Variants in CSMD1 observed in about 807,000 individuals in gnomAD.
The protein encoded by CSMD1 is CUB and Sushi multiple domains 1, also known as CUB and sushi domain-containing protein 1.
In CSMD1, 213 loss-of-function variants were observed where a neutral mutation model predicts 417.5. That is an observed-to-expected ratio of 0.51 (90% CI 0.46 to 0.57). The LOEUF is 0.57. Among genes scored for constraint, CSMD1 ranks in the 20% least tolerant of loss-of-function variants. The probability of loss-of-function intolerance (pLI) is 0.00; values close to 1 mark genes in which losing one functional copy is unlikely to be tolerated. For missense variants in CSMD1, 6,923 were observed against 4,529.7 expected (o/e 1.53, Z -15.17); for synonymous variants, 2,862 against 1,736.8 (o/e 1.65, Z -16.11).
At chr8:4,249,777 C>T (rs1802941251) in intron 3 of CSMD1, among the ~76,000 whole-genome samples, 1 of 152,038 alleles carries the variant, frequency 6.6e-6, no homozygotes, top group African/African-American at 2.4e-5. Context: ...TAATGGGGCA[C>T]TTGGGGAAAT....
chr8:3,249,862 A>G (rs1007965495), intron 26 of CSMD1, among the ~76,000 whole-genome samples: 5 of 152,206 alleles, frequency 3.3e-5, no homozygotes, highest in East Asian at 1.9e-4. Context: ...CTGTGTTTCT[A>G]TGAAATGTTT....
At chr8:3,172,321 G>A (rs977620587) in intron 37 of CSMD1, among the ~76,000 whole-genome samples, 1 of 151,728 alleles carries the variant, frequency 6.6e-6, no homozygotes, top group South Asian at 2.1e-4. Flanking sequence ...ATTTTGCTTT[G>A]GCTACAGCGT....
chr8:3,086,674 AT>A (rs1814555283), intron 49 of CSMD1, among the ~76,000 whole-genome samples: 1 of 152,372 alleles, frequency 6.6e-6, no homozygotes, highest in South Asian at 2.1e-4. Context: ...CAAGCTCTAG[AT>A]TTAAATAACA....
chr8:4,159,043 G>T (rs562218583), intron 3 of CSMD1, among the ~76,000 whole-genome samples: 1 of 152,172 alleles, frequency 6.6e-6, no homozygotes, highest in South Asian at 2.1e-4. Flanking sequence ...AGCCTCCATA[G>T]TAACTGGGAT....
chr8:4,340,413 C>A (rs906912242), intron 3 of CSMD1, among the ~76,000 whole-genome samples: 2 of 152,014 alleles, frequency 1.3e-5, no homozygotes, highest in Non-Finnish European at 2.9e-5. Context: ...TTACCATTGG[C>A]CAAATAAACT....
chr8:3,700,657 A>T (rs140184652), intron 7 of CSMD1: 1 of 152,332 alleles, frequency 6.6e-6, no homozygotes, highest in African/African-American at 2.4e-5. Context: ...AAACGATGTG[A>T]GGGAGGGAGG....
At chr8:3,938,519 C>T (rs1043373600) in intron 5 of CSMD1, among the ~76,000 whole-genome samples, 2 of 152,088 alleles carry the variant, frequency 1.3e-5, no homozygotes, top group Non-Finnish European at 2.9e-5. Context: ...CAACAATGGA[C>T]AGACTCTGTT....
At chr8:3,343,949 C>A (rs556192557) in intron 22 of CSMD1, among the ~76,000 whole-genome samples, 3 of 152,132 alleles carry the variant, frequency 2.0e-5, no homozygotes, top group African/African-American at 7.2e-5. Context: ...ATTCTGTAGT[C>A]TGCAAGCCTC....
At chr8:4,826,635 G>A (rs1346437934) in intron 1 of CSMD1, among the ~76,000 whole-genome samples, 4 of 152,130 alleles carry the variant, frequency 2.6e-5, no homozygotes, top group Admixed American at 1.3e-4. Context: ...AGAAATTGCT[G>A]CAGGCACTTG....
chr8:4,168,146 TACACAC>T (rs34184056), intron 3 of CSMD1, among the ~76,000 whole-genome samples: 3,211 of 148,998 alleles, frequency 0.022, 64 homozygotes, highest in African/African-American at 0.051. Context: ...AAAAAAAATA[TACACAC>T]ACACACACAC....
chr8:4,023,533 T>C (rs1029946624), intron 4 of CSMD1, among the ~76,000 whole-genome samples: 5 of 151,790 alleles, frequency 3.3e-5, no homozygotes, highest in Non-Finnish European at 7.4e-5. Flanking sequence ...GGCTCTGTGC[T>C]GAGCAATATT....
intron 12 of CSMD1, among the ~76,000 whole-genome samples, chr8:3,463,584 A>C (rs1816637816): frequency 6.6e-6 from 1 of 152,192 alleles, no homozygotes; most frequent in Admixed American, 6.6e-5. Context: ...TCACAAGGAC[A>C]GGGGCATGAG....
chr8:3,618,217 A>G (rs1462688162), intron 7 of CSMD1, among the ~76,000 whole-genome samples: 2 of 152,090 alleles, frequency 1.3e-5, no homozygotes, highest in Non-Finnish European at 2.9e-5. Flanking sequence ...TGTTTCCCAG[A>G]CTGGTCTCAA....
At chr8:4,101,870 C>T (rs756801759) in intron 3 of CSMD1, among the ~76,000 whole-genome samples, 30 of 152,106 alleles carry the variant, frequency 2.0e-4, no homozygotes, top group Admixed American at 3.3e-4. Flanking sequence ...TTGCAATTGC[C>T]CATCATCTTG....
chr8:4,142,820 G>T (rs35200341), intron 3 of CSMD1, among the ~76,000 whole-genome samples: 45,365 of 150,860 alleles, frequency 0.3, 8,493 homozygotes, highest in Non-Finnish European at 0.39. Context: ...AAGCCTAACA[G>T]AGGAAAATGA....
At chr8:4,168,062 G>A (rs1298778014) in intron 3 of CSMD1, among the ~76,000 whole-genome samples, 1 of 151,692 alleles carries the variant, frequency 6.6e-6, no homozygotes, top group East Asian at 1.9e-4. Context: ...CCAGGAGGCA[G>A]AAGTTGTAGG....
intron 1 of CSMD1, among the ~76,000 whole-genome samples, chr8:4,726,176 G>C (rs1809427314): frequency 6.6e-6 from 1 of 152,060 alleles, no homozygotes; most frequent in East Asian, 1.9e-4. Context: ...CCTACAGTTG[G>C]TTGTATTACA....
At chr8:3,981,295 A>G (rs1813841935) in intron 5 of CSMD1, among the ~76,000 whole-genome samples, 1 of 152,144 alleles carries the variant, frequency 6.6e-6, no homozygotes, top group Non-Finnish European at 1.5e-5. Context: ...CTAAGCTATG[A>G]GGACACAAAG....
chr8:3,161,125 T>C (rs1819865308), intron 38 of CSMD1, among the ~76,000 whole-genome samples: 1 of 152,194 alleles, frequency 6.6e-6, no homozygotes, highest in Non-Finnish European at 1.5e-5. Flanking sequence ...TCTCCTGACT[T>C]TAGAATATAC....
Sources: gnomAD v4.1 joint callset for allele counts (sites outside exome capture counted in the v4.1 genomes callset) on GRCh38, gnomAD v4.1.1 for gene constraint, MANE v1.5 for transcripts, NCBI Gene and HGNC (gene_info 2026-07-23, HGNC 2026-07-21) for gene names.